WDR72: variants seen among roughly 807,000 people sequenced by gnomAD.
The protein encoded by WDR72 is WD repeat domain 72, also known as WD repeat-containing protein 72.
WDR72 carries 120 observed loss-of-function variants against 124.2 expected under a neutral mutation model. That is an observed-to-expected ratio of 0.97 (90% CI 0.83 to 1.12). The LOEUF (loss-of-function observed/expected upper bound fraction) is 1.12, where lower values mean the gene tolerates loss of function less well. Ranked by LOEUF, WDR72 falls within the 50% of genes most tolerant of loss-of-function variation. The probability of loss-of-function intolerance (pLI) is 0.00; values close to 1 mark genes in which losing one functional copy is unlikely to be tolerated. For synonymous variants in WDR72, 452 were observed against 441.7 expected (o/e 1.02, Z -0.29); for missense variants, 1,387 against 1,278.8 (o/e 1.08, Z -1.29).
chr15:53,714,757 T>C (rs181520951), intron 5 of WDR72, among the ~76,000 whole-genome samples: 8 of 152,288 alleles, frequency 5.3e-5, no homozygotes, highest in Non-Finnish European at 1.0e-4. Context: ...CAAATCATCA[T>C]AAAATGAAAC....
intron 14 of WDR72, among the ~76,000 whole-genome samples, chr15:53,640,387 T>A (rs2014802177): frequency 6.6e-6 from 1 of 152,160 alleles, no homozygotes; most frequent in South Asian, 2.1e-4. Flanking sequence ...GCCATAGCCC[T>A]AACTTTGTAC....
intron 18 of WDR72, among the ~76,000 whole-genome samples, chr15:53,548,495 CA>C (rs1168058580): frequency 2.0e-5 from 3 of 152,096 alleles, no homozygotes; most frequent in Non-Finnish European, 4.4e-5. Context: ...AGTTAGTTGC[CA>C]AAAGGAGAAA....
chr15:53,662,851 G>A (rs1039096697), intron 14 of WDR72, among the ~76,000 whole-genome samples: 1 of 151,970 alleles, frequency 6.6e-6, no homozygotes, highest in East Asian at 1.9e-4. Context: ...GATCACCTAA[G>A]GCAAGGAGTT....
At chr15:53,545,520 G>C (rs60589221) in intron 18 of WDR72, among the ~76,000 whole-genome samples, 35,143 of 150,536 alleles carry the variant, frequency 0.23, 4,170 homozygotes, top group African/African-American at 0.28. Context: ...ATTCAAGATG[G>C]ATTAAAGACT....
chr15:53,518,531 G>A (rs1007263269), intron 19 of WDR72, among the ~76,000 whole-genome samples: 14 of 151,898 alleles, frequency 9.2e-5, no homozygotes, highest in Non-Finnish European at 1.6e-4. Context: ...AAAACAACTC[G>A]AAGAAAGTGC....
intron 16 of WDR72, 122 bp from the exon 17 acceptor site, chr15:53,609,714 G>T (rs1019714962): frequency 2.6e-6 from 2 of 781,972 alleles, no homozygotes; most frequent in African/African-American, 3.5e-5. Context: ...CAATGCCCAG[G>T]TTCAATCTTC....
At chr15:53,571,127 CTG>C (rs1894510692) in intron 18 of WDR72, among the ~76,000 whole-genome samples, 1 of 151,980 alleles carries the variant, frequency 6.6e-6, no homozygotes, top group South Asian at 2.1e-4. Flanking sequence ...ACAATAGACA[CTG>C]GGGATTCCAA....
intron 18 of WDR72, among the ~76,000 whole-genome samples, chr15:53,543,514 T>C (rs1893267376): frequency 6.6e-6 from 1 of 150,964 alleles, no homozygotes; most frequent in African/African-American, 2.4e-5. Context: ...GGGAAATTTA[T>C]AGCACTAAAT....
chr15:53,604,302 C>T (rs758547668), intron 17 of WDR72, among the ~76,000 whole-genome samples: 1 of 152,170 alleles, frequency 6.6e-6, no homozygotes, highest in African/African-American at 2.4e-5. Flanking sequence ...AACTGGACCC[C>T]TTCCTTACAC....
intron 13 of WDR72, among the ~76,000 whole-genome samples, chr15:53,697,367 G>C (rs2459377): frequency 0.71 from 107,983 of 152,050 alleles, 40,831 homozygotes; most frequent in Middle Eastern, 0.94. Flanking sequence ...AATTAATGGA[G>C]GTGACTGCAG....
At chr15:53,740,694 G>C (rs1044283546) in intron 1 of WDR72, among the ~76,000 whole-genome samples, 1 of 152,214 alleles carries the variant, frequency 6.6e-6, no homozygotes, top group Admixed American at 6.5e-5. Flanking sequence ...GTGCTTTGAA[G>C]ATAGGGACAA....
rs556852478 is a variant in WDR72 at position 53,515,342 on chromosome 15, C to T, written c.*2357G>A. On this transcript the variant is annotated 3_prime_UTR_variant, in exon 20 of 20. Transcript: ENST00000360509. ...ACCAAGTGGTTATGATCACCACGTA[C>T]GTGGTCTATCCAGTTAACTGTGTGG... The T allele has an allele frequency of 6.6e-6, 1 of 151,968 alleles. No individual in the cohort carries two copies. The highest frequency in any genetic ancestry group is 1.5e-5 in the Non-Finnish European group (1 of 67,988). 9.4% of individuals were successfully genotyped at this position (151,968 alleles called of 1,614,324 possible). A position where few individuals can be genotyped will look rare whatever the true frequency, so the allele number is the denominator to read the frequency against.
chr15:53,523,667 G>A (rs1309347756), intron 18 of WDR72, among the ~76,000 whole-genome samples: 1 of 151,976 alleles, frequency 6.6e-6, no homozygotes, highest in African/African-American at 2.4e-5. Context: ...AGAACACAGA[G>A]AGAAGAACAT....
At chr15:53,718,162 T>C (rs1287569915) in intron 3 of WDR72, among the ~76,000 whole-genome samples, 1 of 148,780 alleles carries the variant, frequency 6.7e-6, no homozygotes, top group African/African-American at 2.6e-5. Context: ...AAATATTATC[T>C]CCAGAGATTC....
intron 9 of WDR72, among the ~76,000 whole-genome samples, chr15:53,706,883 A>T (rs36123080): frequency 5.9e-5 from 9 of 152,030 alleles, no homozygotes; most frequent in Non-Finnish European, 8.8e-5. Flanking sequence ...AATTATATAT[A>T]ACTTATGATC....
chr15:53,635,899 G>A (rs1450419582), intron 14 of WDR72, among the ~76,000 whole-genome samples: 2 of 151,998 alleles, frequency 1.3e-5, no homozygotes, highest in Non-Finnish European at 2.9e-5. Context: ...ATTACACCAC[G>A]GGTTAAAGGG....
In WDR72 at chr15:53,732,126, T is replaced by G. The variant is rs2018219521; in HGVS notation, c.153+871A>C. On this transcript the variant is annotated intron_variant, in intron 2 of 19. Transcript: ENST00000360509. Reference sequence around the variant, plus strand: ...CCATCCTTCCTTCAAGAACGTTCATTAACATTGAGCTGAGCTGGTCTGCAA... The same window carrying G: ...CCATCCTTCCTTCAAGAACGTTCATGAACATTGAGCTGAGCTGGTCTGCAA... Among the ~76,000 whole-genome samples, 3 of 152,184 alleles carry G rather than the reference T, an allele frequency of 2.0e-5. No individual in the cohort carries two copies. The South Asian group carries it at 6.2e-4, about 32-fold the overall frequency.
chr15:53,759,833 G>A (rs1595894029), upstream of WDR72, among the ~76,000 whole-genome samples: 1 of 147,522 alleles, frequency 6.8e-6, no homozygotes, highest in South Asian at 2.2e-4. Context: ...ACCTGGACCC[G>A]CTGCCTCCCT....
chr15:53,669,063 G>A (rs924630297), intron 13 of WDR72, among the ~76,000 whole-genome samples: 2 of 150,858 alleles, frequency 1.3e-5, no homozygotes, highest in Admixed American at 6.6e-5. Flanking sequence ...AGGGGAAGGG[G>A]AAGAAGAAAG....
Sources: gnomAD v4.1 joint callset for allele counts (sites outside exome capture counted in the v4.1 genomes callset) on GRCh38, gnomAD v4.1.1 for gene constraint, MANE v1.5 for transcripts, NCBI Gene and HGNC (gene_info 2026-07-23, HGNC 2026-07-21) for gene names.